Variants in SOX6 observed in about 807,000 individuals in gnomAD.
The protein encoded by SOX6 is transcription factor SOX-6.
A neutral mutation model predicts 97.8 loss-of-function variants in SOX6; 11 were observed. The observed-to-expected ratio is 0.11, with a 90% CI of 0.07 to 0.19. SOX6 has a LOEUF of 0.19. Among genes scored for constraint, SOX6 ranks in the 10% least tolerant of loss-of-function variants. The pLI is 1.00. For synonymous variants in SOX6, 360 were observed against 371.4 expected, an observed-to-expected ratio of 0.97 and a Z score of 0.35; for missense variants, 810 against 1,039.5, an observed-to-expected ratio of 0.78 and a Z score of 3.04.
chr11:16,640,829 A>G (rs1314706525), intron 3 of SOX6, among the ~76,000 whole-genome samples: 2 of 151,966 alleles, frequency 1.3e-5, no homozygotes, highest in Admixed American at 6.6e-5. Context: ...GGCTAGTGGT[A>G]TATCAATTTT....
At chr11:16,635,303 G>A (rs1455340650) in intron 3 of SOX6, among the ~76,000 whole-genome samples, 2 of 152,194 alleles carry the variant, frequency 1.3e-5, no homozygotes, top group Non-Finnish European at 2.9e-5. Context: ...TGCTGATAGT[G>A]ATATGGACAA....
intron 1 of SOX6, among the ~76,000 whole-genome samples, chr11:16,400,778 A>G (rs1046572132): frequency 2.6e-5 from 4 of 151,540 alleles, no homozygotes; most frequent in African/African-American, 7.3e-5. Flanking sequence ...CTTCTCATAC[A>G]TACGTAGATA....
upstream of SOX6, among the ~76,000 whole-genome samples, chr11:16,476,777 T>A (rs1480238953): frequency 2.0e-5 from 3 of 152,240 alleles, no homozygotes; most frequent in African/African-American, 7.2e-5. Context: ...ATATCTTAAA[T>A]GTGCCTGACA....
chr11:16,690,928 T>C (rs1848008483), intron 3 of SOX6, among the ~76,000 whole-genome samples: 1 of 152,220 alleles, frequency 6.6e-6, no homozygotes, highest in Non-Finnish European at 1.5e-5. Flanking sequence ...GGTCAAAGGC[T>C]TCATTCAGCT....
At chr11:16,638,826 G>A (rs566821151) in intron 3 of SOX6, among the ~76,000 whole-genome samples, 8 of 152,250 alleles carry the variant, frequency 5.3e-5, no homozygotes, top group Non-Finnish European at 5.9e-5. Flanking sequence ...TTAGCCCTTT[G>A]TCAGATGAGT....
intron 1 of SOX6, chr11:16,465,880 T>A (rs1027377889): frequency 3.3e-5 from 5 of 152,230 alleles, no homozygotes; most frequent in Admixed American, 3.3e-4. Flanking sequence ...TCCACCCACA[T>A]AAACTCTCTA....
rs1355719052 is a variant in SOX6 at position 16,022,330 on chromosome 11, CT to C, written c.1624-7281del. ...TTTTTCCTTCCTTCCTTCCTTCCTT[CT>C]TTCCTTCCTTCCTTCCTTCCTTCCT... On this transcript the variant is annotated intron_variant, in intron 12 of 15. Coordinates refer to ENST00000683767, the MANE Select transcript of SOX6 (RefSeq NM_001367873.1). Among the ~76,000 whole-genome samples, 3 of 146,270 alleles carry C rather than the reference CT, an allele frequency of 2.1e-5. No individual in the cohort carries two copies. In the Admixed American group the frequency reaches 2.1e-4, roughly 10 times the overall value.
intron 4 of SOX6, among the ~76,000 whole-genome samples, chr11:16,228,202 G>A (rs201673505): frequency 6.9e-4 from 101 of 145,810 alleles, no homozygotes; most frequent in Non-Finnish European, 7.1e-4. Flanking sequence ...CATCTCAAAA[G>A]AAAAAAAAAA....
chr11:16,698,136 C>T (rs1014495587), intron 3 of SOX6, among the ~76,000 whole-genome samples: 4 of 152,188 alleles, frequency 2.6e-5, no homozygotes, highest in African/African-American at 9.6e-5. Context: ...TATCAAAGTC[C>T]TCAATGGCAT....
rs1241913532 is a variant in SOX6, at chr11:16,040,400, A to G, written c.1623+6114T>C. On this transcript the variant is annotated intron_variant, in intron 12 of 15. Transcript: ENST00000683767. ...CAGAAAGAAAAAGAACTTAATGATT[A>G]CATTCAGCCAGGAGCCTACATACAG... Among the ~76,000 whole-genome samples, 4 of 152,026 alleles carry G rather than the reference A, an allele frequency of 2.6e-5. No homozygotes were observed. In the East Asian group the frequency reaches 7.7e-4, roughly 29 times the overall value.
chr11:16,115,806 A>C (rs966225096), intron 6 of SOX6, among the ~76,000 whole-genome samples: 9 of 152,174 alleles, frequency 5.9e-5, no homozygotes, highest in African/African-American at 2.2e-4. Flanking sequence ...GGAAGTCTCC[A>C]GCTGAAAATA....
intron 1 of SOX6, among the ~76,000 whole-genome samples, chr11:16,385,735 G>C (rs369965284): frequency 6.6e-6 from 1 of 152,058 alleles, no homozygotes; most frequent in East Asian, 1.9e-4. Context: ...ATATGTTTTT[G>C]GTTCTGATTC....
In SOX6 at chr11:15,972,851, A is replaced by G. The variant is rs200898941; in HGVS notation, c.2445T>C (p.Tyr815=). The change falls in exon 16 of 16, where the codon TAT becomes TAC. Residue 815 remains tyrosine (Y), a synonymous_variant. Transcript: ENST00000683767. The part of the protein sequence containing the change: ...DDYEDDPKSD[Y]SSENEAPEAV... ...CCTCCGGGGCTTCATTTTCACTGCT[A>G]TAGTCTGATTTGGGGTCATCTTCAT... is the stretch of plus-strand genomic sequence containing the variant. 955 of 1,614,232 alleles carry G rather than the reference A, an allele frequency of 5.9e-4. No homozygotes were observed. The highest frequency in any genetic ancestry group is 7.9e-4 in the Non-Finnish European group (936 of 1,180,028).
At position 16,613,418 on chromosome 11, in the gene SOX6, G is replaced by A. The variant is rs977639420; in HGVS notation, n.430-1158C>T. ...GATTAGCAAATCTTCTACCGCTGGC[G>A]GCGGCAACCAGAGCCTCTGTCTTGC... On this transcript the variant is annotated intron_variant and non_coding_transcript_variant, in intron 3 of 5. Transcript: ENST00000524520. The surrounding 1 kb of genome is among the most constrained non-coding windows in gnomAD (Gnocchi z 4.6). 1.3e-5 allele frequency among the ~76,000 whole-genome samples: 2 copies of A among 151,968 alleles called. No individual in the cohort carries two copies. Among genetic ancestry groups the A allele is most frequent in the African/African-American group, 4.8e-5 (2 of 41,382 alleles).
chr11:16,205,845 TG>T (rs1200799730), intron 4 of SOX6, among the ~76,000 whole-genome samples: 1 of 152,104 alleles, frequency 6.6e-6, no homozygotes, highest in Non-Finnish European at 1.5e-5. Context: ...TTTGCCACCT[TG>T]TACAAGTAAT....
intron 3 of SOX6, among the ~76,000 whole-genome samples, chr11:16,683,668 G>C (rs1847945901): frequency 6.6e-6 from 1 of 152,150 alleles, no homozygotes; most frequent in Non-Finnish European, 1.5e-5. Flanking sequence ...TCAGGACATA[G>C]GCATGGGCAA....
At chr11:16,521,108 G>C (rs1246969840) in intron 4 of SOX6, among the ~76,000 whole-genome samples, 2 of 152,208 alleles carry the variant, frequency 1.3e-5, no homozygotes, top group African/African-American at 2.4e-5. Flanking sequence ...GTCCCTGTCT[G>C]ACAGCTTTGA....
At chr11:16,582,550 G>T (rs770375370) in intron 4 of SOX6, among the ~76,000 whole-genome samples, 14 of 151,870 alleles carry the variant, frequency 9.2e-5, no homozygotes, top group Non-Finnish European at 1.6e-4. Context: ...CTAAATGTTA[G>T]CATGCTCAAC....
intron 12 of SOX6, among the ~76,000 whole-genome samples, chr11:16,038,097 T>C (rs1855563996): frequency 1.3e-5 from 2 of 152,176 alleles, no homozygotes; most frequent in South Asian, 2.1e-4. Flanking sequence ...ATAGCATTTA[T>C]GTTGTGTTAG....
Sources: allele counts gnomAD v4.1 joint callset (sites outside exome capture counted in the v4.1 genomes callset), GRCh38; gene constraint gnomAD v4.1.1; non-coding constraint Gnocchi (gnomAD v3.1); transcripts MANE v1.5; gene names NCBI Gene and HGNC (gene_info 2026-07-23, HGNC 2026-07-21).